OSBPL11: variants seen among roughly 807,000 people sequenced by gnomAD.
OSBPL11 encodes oxysterol binding protein like 11.
In OSBPL11, 33 loss-of-function variants were observed where a neutral mutation model predicts 84.4. The ratio of observed to expected loss-of-function variants is 0.39; its 90% CI spans 0.30 to 0.52. OSBPL11 has a LOEUF of 0.52. OSBPL11 is among the 20% of genes least tolerant of loss of function. The pLI is 0.72. For synonymous variants in OSBPL11, 276 were observed against 310.2 expected (o/e 0.89, Z 1.16); for missense variants, 736 against 901.1 (o/e 0.82, Z 2.35).
At chr3:125,554,158 C>T (rs1460347881) in intron 8 of OSBPL11, among the ~76,000 whole-genome samples, 2 of 152,188 alleles carry the variant, frequency 1.3e-5, no homozygotes, top group African/African-American at 4.8e-5. Context: ...CCTCTTGGAC[C>T]TCAAAGTCTA....
At chr3:125,574,981 C>A (rs931476130) in intron 5 of OSBPL11, among the ~76,000 whole-genome samples, 1 of 152,136 alleles carries the variant, frequency 6.6e-6, no homozygotes, top group Non-Finnish European at 1.5e-5. Flanking sequence ...AAGAAACTAT[C>A]AGTTGTCAAG....
Position 125,552,467 on chromosome 3 carries a change from T to G in OSBPL11, c.1368A>C (p.Thr456=). The change falls in exon 9 of 13, where the codon ACA becomes ACC. Residue 456 remains threonine (T), a synonymous_variant. Coordinates refer to ENST00000296220, the MANE Select transcript of OSBPL11 (RefSeq NM_022776.5). ...KKPYNPIIGE[T]FHCSWKMPKS... Reference sequence around the variant, plus strand: ...TTGGCATCTTCCAGGAACAGTGAAATGTTTCTCCAATGATAGGATTGTATG... The same window carrying G: ...TTGGCATCTTCCAGGAACAGTGAAAGGTTTCTCCAATGATAGGATTGTATG... 6.2e-7 allele frequency: 1 copy of G among 1,614,156 alleles called. No homozygotes were observed.
At chr3:125,587,971 C>CA (rs1936540059) in intron 1 of OSBPL11, among the ~76,000 whole-genome samples, 1 of 152,140 alleles carries the variant, frequency 6.6e-6, no homozygotes, top group Admixed American at 6.5e-5. Flanking sequence ...CCTATAATCC[C>CA]AGCACTTTGG....
Position 125,567,565 on chromosome 3 carries a change from C to T in OSBPL11, c.697G>A (p.Asp233Asn). The change falls in exon 6 of 13, where the codon GAC becomes AAC. Residue 233 changes from aspartate (D) to asparagine (N), a missense_variant. By Grantham distance (23) the Asp-to-Asn change is conservative. Around this residue, in one of 3 missense-constraint regions of OSBPL11, gnomAD observed 579 missense variants for 717.6 expected, o/e 0.81. Coordinates refer to ENST00000296220, the MANE Select transcript of OSBPL11 (RefSeq NM_022776.5). ...MMSHAEGQQR[D>N]LIRRIECLPT... is the part of the protein sequence containing the mutation. ...AGGCATTCAATTCGTCTAATTAAGT[C>T]TCTTTGTTGTCCTTCAGCATGAGAC... 6.2e-7 allele frequency: 1 copy of T among 1,614,138 alleles called. No homozygotes were observed. Among genetic ancestry groups the T allele is most frequent in the Non-Finnish European group, 8.5e-7 (1 of 1,179,998 alleles).
At chr3:125,559,123 G>A (rs1202476463) in intron 8 of OSBPL11, among the ~76,000 whole-genome samples, 1 of 152,178 alleles carries the variant, frequency 6.6e-6, no homozygotes, top group African/African-American at 2.4e-5. Flanking sequence ...CTACAACAGA[G>A]ACCTATGTCC....
At position 125,547,516 on chromosome 3, in the gene OSBPL11, A is replaced by C; in HGVS notation, c.1731T>G (p.Thr577=). Residue 577 remains threonine (T), a synonymous_variant, in exon 10 of 13, where the codon ACT becomes ACG. Transcript: ENST00000296220. ...TGCCACCCAGTTCTACCCAAGGAAC[A>C]GTCAAAATTGACCGAGCATATGCAC... is the stretch of plus-strand genomic sequence containing the variant. ...LPCAYARSIL[T]VPWVELGGKV... 6.2e-7 allele frequency: 1 copy of C among 1,614,066 alleles called. No homozygotes were observed. Among genetic ancestry groups the C allele is most frequent in the Non-Finnish European group, 8.5e-7 (1 of 1,179,888 alleles).
chr3:125,546,372 C>T (rs1392467341), intron 10 of OSBPL11, among the ~76,000 whole-genome samples: 1 of 151,632 alleles, frequency 6.6e-6, no homozygotes, highest in Non-Finnish European at 1.5e-5. Flanking sequence ...TCACTCTTGT[C>T]ACCCCGGCTG....
intron 8 of OSBPL11, among the ~76,000 whole-genome samples, chr3:125,559,438 G>T (rs1162243915): frequency 6.6e-6 from 1 of 152,024 alleles, no homozygotes; most frequent in Non-Finnish European, 1.5e-5. Flanking sequence ...GCCCAGACTG[G>T]AGCGCAGTGG....
At chr3:125,591,187 A>T (rs72979766) in intron 1 of OSBPL11, among the ~76,000 whole-genome samples, 21,732 of 152,248 alleles carry the variant, frequency 0.14, 1,644 homozygotes, top group African/African-American at 0.2. Context: ...AAAACCAGAT[A>T]CATAATTTGA....
intron 10 of OSBPL11, 143 bp from the exon 11 acceptor site, chr3:125,538,776 A>G (rs2107588203): frequency 1.7e-6 from 1 of 594,332 alleles, no homozygotes; most frequent in Middle Eastern, 3.9e-4. Flanking sequence ...CCAAAGTTAG[A>G]TTCTTTGTAT....
chr3:125,544,274 T>A (rs1191787613), intron 10 of OSBPL11, among the ~76,000 whole-genome samples: 1 of 152,084 alleles, frequency 6.6e-6, no homozygotes, highest in Non-Finnish European at 1.5e-5. Context: ...CAGGCTAGCC[T>A]CAAACTCTTG....
chr3:125,551,531 G>C (rs556920674), intron 9 of OSBPL11, among the ~76,000 whole-genome samples: 1 of 152,236 alleles, frequency 6.6e-6, no homozygotes, highest in Non-Finnish European at 1.5e-5. Flanking sequence ...CACTTTGGGA[G>C]GCCGAGGTGG....
intron 2 of OSBPL11, among the ~76,000 whole-genome samples, chr3:125,580,645 T>G (rs1015578862): frequency 1.3e-5 from 2 of 151,564 alleles, no homozygotes; most frequent in Admixed American, 6.6e-5. Flanking sequence ...AGATACCATA[T>G]CCTTTCAGAG....
intron 1 of OSBPL11, among the ~76,000 whole-genome samples, chr3:125,588,599 TC>T (rs1338884670): frequency 3.3e-5 from 5 of 152,176 alleles, no homozygotes; most frequent in Non-Finnish European, 5.9e-5. Flanking sequence ...CATGTCAAAA[TC>T]CATACTTTCA....
In OSBPL11 at chr3:125,575,444, T is replaced by G. The variant is rs567523302; in HGVS notation, c.666+745A>C. On this transcript the variant is annotated intron_variant, in intron 5 of 12. Transcript: ENST00000296220. ...TCTTACTATGTTGCCCAGGCTGGTC[T>G]CAAACTCCTGGGCTCAGGCGATCCT... Among the ~76,000 whole-genome samples, 12 of 152,240 alleles carry G rather than the reference T, an allele frequency of 7.9e-5. No individual in the cohort carries two copies. In the East Asian group the frequency reaches 2.1e-3, roughly 27 times the overall value.
intron 5 of OSBPL11, among the ~76,000 whole-genome samples, chr3:125,573,186 AT>A: frequency 6.6e-6 from 1 of 152,138 alleles, no homozygotes. Flanking sequence ...TGGTTCCTTG[AT>A]ACTATAAAAC....
At chr3:125,573,117 T>A (rs1013099356) in intron 5 of OSBPL11, among the ~76,000 whole-genome samples, 2 of 151,548 alleles carry the variant, frequency 1.3e-5, no homozygotes, top group Non-Finnish European at 2.9e-5. Context: ...CCAAAACAAA[T>A]TAGCTAATCA....
intron 5 of OSBPL11, among the ~76,000 whole-genome samples, chr3:125,568,081 C>T (rs1936186992): frequency 6.7e-6 from 1 of 149,368 alleles, no homozygotes; most frequent in Non-Finnish European, 1.5e-5. Flanking sequence ...TTTAATGGTG[C>T]TTATCAATTG....
At chr3:125,563,156 C>T (rs532351187) in intron 7 of OSBPL11, among the ~76,000 whole-genome samples, 14 of 152,122 alleles carry the variant, frequency 9.2e-5, no homozygotes, top group Middle Eastern at 3.4e-3. Flanking sequence ...TGATTTGTTA[C>T]AGTGGTAGAT....
Sources: allele counts gnomAD v4.1 joint callset (sites outside exome capture counted in the v4.1 genomes callset), GRCh38; gene constraint gnomAD v4.1.1; regional missense constraint gnomAD v4.1.1; transcripts MANE v1.5; gene names NCBI Gene and HGNC (gene_info 2026-07-23, HGNC 2026-07-21).